Variants in RBFOX1 observed in about 807,000 individuals in gnomAD.
The protein encoded by RBFOX1 is RNA binding protein fox-1 homolog 1.
A neutral mutation model predicts 57.7 loss-of-function variants in RBFOX1; 8 were observed. The ratio of observed to expected loss-of-function variants is 0.14; its 90% CI spans 0.08 to 0.25. The LOEUF (loss-of-function observed/expected upper bound fraction) is 0.25. Ranked by LOEUF, RBFOX1 falls within the 10% of genes least tolerant of loss-of-function variation. The pLI is 1.00. For missense variants in RBFOX1, 611 were observed against 548.5 expected (o/e 1.11, Z -1.14); for synonymous variants, 326 against 222.4 (o/e 1.47, Z -4.15).
At chr16:7,393,629 A>G (rs974465182) in intron 4 of RBFOX1, among the ~76,000 whole-genome samples, 1 of 152,090 alleles carries the variant, frequency 6.6e-6, no homozygotes, top group Non-Finnish European at 1.5e-5. Context: ...TCAGGGGGAA[A>G]CATAGCCTCA....
At chr16:5,969,753 C>T (rs560682526) in intron 4 of RBFOX1, among the ~76,000 whole-genome samples, 24 of 152,102 alleles carry the variant, frequency 1.6e-4, no homozygotes, top group African/African-American at 4.3e-4. Flanking sequence ...TTGCTGTCTG[C>T]GATGTCTGTC....
intron 3 of RBFOX1, among the ~76,000 whole-genome samples, chr16:5,664,939 A>T (rs1596651814): frequency 6.8e-6 from 1 of 146,924 alleles, no homozygotes; most frequent in African/African-American, 2.6e-5. Flanking sequence ...CCCATTTGTT[A>T]TCTCTGCTCT....
In RBFOX1 at chr16:6,243,387, A is replaced by T. The variant is rs553999577; in HGVS notation, c.-126-73608A>T. Among the ~76,000 whole-genome samples, 94 of 152,258 alleles carry T rather than the reference A, an allele frequency of 6.2e-4. 1 individual carries two copies. The highest frequency in any genetic ancestry group is 5.2e-3 in the South Asian group (25 of 4,824). ...CTGGAGGTTTGGAAAGCATATTCCA[A>T]TGTTCTTCCAATAATGCCTGTTATA... On this transcript the variant is annotated intron_variant, in intron 1 of 15. Coordinates refer to ENST00000550418, the MANE Select transcript of RBFOX1 (RefSeq NM_018723.4).
chr16:6,938,319 A>G (rs1190559503), intron 3 of RBFOX1, among the ~76,000 whole-genome samples: 4 of 152,202 alleles, frequency 2.6e-5, no homozygotes, highest in African/African-American at 9.6e-5. Flanking sequence ...GAAAGTAAAA[A>G]TAGTAATTGA....
At chr16:7,114,151 C>A (rs1173025066) in intron 4 of RBFOX1, among the ~76,000 whole-genome samples, 2 of 152,120 alleles carry the variant, frequency 1.3e-5, no homozygotes, top group Non-Finnish European at 1.5e-5. Flanking sequence ...TTCAGTTGTA[C>A]TTAAGAGATC....
Position 5,287,239 on chromosome 16 carries a change from G to T in RBFOX1, c.219+47134G>T, listed in dbSNP as rs144440594. The stretch of plus-strand genomic sequence containing the variant: ...AGATCACTTGAGCCCAGGATTTTGC[G>T]GTTATAGTGAGCTCTGACTGTTCCA... On this transcript the variant is annotated intron_variant, in intron 1 of 2. Transcript: ENST00000585867. 2.1e-3 allele frequency among the ~76,000 whole-genome samples: 322 copies of T among 152,228 alleles called. 2 individuals carry two copies. Among genetic ancestry groups the T allele is most frequent in the East Asian group, 0.018 (95 of 5,174 alleles).
chr16:5,261,212 G>C (rs1295455978), intron 1 of RBFOX1, among the ~76,000 whole-genome samples: 4 of 152,188 alleles, frequency 2.6e-5, no homozygotes, highest in Admixed American at 6.5e-5. Flanking sequence ...TTTCTAGGTT[G>C]TTTTATGTTG....
At chr16:6,650,139 C>T (rs1460852812) in intron 2 of RBFOX1, among the ~76,000 whole-genome samples, 1 of 152,154 alleles carries the variant, frequency 6.6e-6, no homozygotes, top group Non-Finnish European at 1.5e-5. Context: ...TTTGAGAAGC[C>T]TCCACACCGT....
intron 4 of RBFOX1, among the ~76,000 whole-genome samples, chr16:7,136,348 C>T (rs1348931754): frequency 6.6e-6 from 1 of 151,370 alleles, no homozygotes; most frequent in Non-Finnish European, 1.5e-5. Flanking sequence ...TGACTAGTAG[C>T]TGTCATATTG....
intron 4 of RBFOX1, among the ~76,000 whole-genome samples, chr16:7,149,658 C>G (rs1438741032): frequency 1.3e-5 from 2 of 151,630 alleles, no homozygotes; most frequent in African/African-American, 4.8e-5. Flanking sequence ...GCTATATGCC[C>G]CCGCAGGCCT....
chr16:5,878,903 C>T (rs2057690438), intron 4 of RBFOX1, among the ~76,000 whole-genome samples: 2 of 152,182 alleles, frequency 1.3e-5, no homozygotes, highest in Admixed American at 1.3e-4. Context: ...CCTTGTCATT[C>T]TAATGTAATT....
intron 4 of RBFOX1, among the ~76,000 whole-genome samples, chr16:7,361,445 C>A (rs562479399): frequency 6.6e-6 from 1 of 152,158 alleles, no homozygotes; most frequent in Non-Finnish European, 1.5e-5. Flanking sequence ...AGAACGGTTT[C>A]CTTTTACTTG....
intron 3 of RBFOX1, among the ~76,000 whole-genome samples, chr16:7,048,494 C>T (rs59727093): frequency 0.09 from 12,717 of 141,708 alleles, 814 homozygotes; most frequent in East Asian, 0.29. Flanking sequence ...CTCCTGACCT[C>T]ATGATCCACC....
chr16:6,519,545 AC>A (rs1298131788), intron 2 of RBFOX1, among the ~76,000 whole-genome samples: 1 of 152,140 alleles, frequency 6.6e-6, no homozygotes, highest in Non-Finnish European at 1.5e-5. Flanking sequence ...CACTAAAAAT[AC>A]AAAAATTAGC....
intron 3 of RBFOX1, among the ~76,000 whole-genome samples, chr16:6,909,584 AG>A (rs2071022590): frequency 6.6e-6 from 1 of 152,236 alleles, no homozygotes; most frequent in South Asian, 2.1e-4. Flanking sequence ...TCAGCTACCT[AG>A]AAGCGAGGGA....
intron 14 of RBFOX1, among the ~76,000 whole-genome samples, chr16:7,690,780 AT>A (rs2077146379): frequency 6.6e-6 from 1 of 152,086 alleles, no homozygotes; most frequent in African/African-American, 2.4e-5. Context: ...TAGATGATCC[AT>A]TTATGGGCCC....
intron 3 of RBFOX1, among the ~76,000 whole-genome samples, chr16:6,855,467 C>T (rs1443917012): frequency 1.3e-5 from 2 of 151,844 alleles, no homozygotes; most frequent in Admixed American, 6.6e-5. Flanking sequence ...CTGGCTAACA[C>T]AGTGAAACCC....
At chr16:6,220,286 A>G (rs2097364080) in intron 1 of RBFOX1, among the ~76,000 whole-genome samples, 1 of 152,082 alleles carries the variant, frequency 6.6e-6, no homozygotes, top group South Asian at 2.1e-4. Context: ...ACTTTCTTGA[A>G]TTGCTAAATT....
At chr16:6,263,506 AACCATTT>A (rs1406255187) in intron 1 of RBFOX1, among the ~76,000 whole-genome samples, 64 of 152,268 alleles carry the variant, frequency 4.2e-4, no homozygotes, top group African/African-American at 1.4e-3. Flanking sequence ...CCATTTATGA[AACCATTT>A]CTCTGAATGT....
Sources: gnomAD v4.1 joint callset for allele counts (sites outside exome capture counted in the v4.1 genomes callset) on GRCh38, gnomAD v4.1.1 for gene constraint, MANE v1.5 for transcripts, NCBI Gene and HGNC (gene_info 2026-07-23, HGNC 2026-07-21) for gene names.